The following EGFLAM variants were observed in gnomAD, a reference collection of about 807,000 sequenced individuals.
EGFLAM encodes EGF like, fibronectin type III and laminin G domains.
Under a neutral mutation model 113.1 loss-of-function variants are expected in EGFLAM, and 79 were observed. The ratio of observed to expected loss-of-function variants is 0.70; its 90% CI spans 0.58 to 0.84. EGFLAM has a LOEUF of 0.84. Among genes scored for constraint, EGFLAM ranks in the 40% least tolerant of loss-of-function variants. The pLI is 0.00. For synonymous variants in EGFLAM, 504 were observed against 487.6 expected (o/e 1.03, Z -0.44); for missense variants, 1,265 against 1,291.6 (o/e 0.98, Z 0.32).
chr5:38,436,444 C>A (rs1042000515), intron 16 of EGFLAM, among the ~76,000 whole-genome samples: 1 of 152,128 alleles, frequency 6.6e-6, no homozygotes, highest in Non-Finnish European at 1.5e-5. Flanking sequence ...TATCTCGCAT[C>A]GCAGTGTCAG....
intron 1 of EGFLAM, among the ~76,000 whole-genome samples, chr5:38,318,623 T>C (rs1044610815): frequency 7.9e-5 from 12 of 152,026 alleles, no homozygotes; most frequent in African/African-American, 2.9e-4. Context: ...TTCACCTGCC[T>C]CAGCCTCCCG....
At chr5:38,407,964 T>C in intron 9 of EGFLAM, 59 bp downstream of exon 9, 1 of 1,340,782 alleles carries the variant, frequency 7.5e-7, no homozygotes, top group South Asian at 1.2e-5. Flanking sequence ...AGCAATGTGC[T>C]ACATTCAAAG....
chr5:38,366,207 A>G (rs538696021), intron 5 of EGFLAM, among the ~76,000 whole-genome samples: 3 of 152,290 alleles, frequency 2.0e-5, no homozygotes, highest in South Asian at 2.1e-4. Context: ...CTGCCCAGTG[A>G]TCAACATAGA....
At position 38,408,916 on chromosome 5, in the gene EGFLAM, C is replaced by A. The variant is rs538722771; in HGVS notation, c.1249-88C>A. On this transcript the variant is annotated intron_variant, in intron 9 of 21. Transcript: ENST00000322350. ...ATAGGATCGTGGAGGAGAAAATGCT[C>A]AAGTTTCACATTTGTGTCTTTCCAG... is the stretch of plus-strand genomic sequence containing the variant. 2.2e-5 allele frequency: 26 copies of A among 1,159,914 alleles called. No individual in the cohort carries two copies. The African/African-American group carries it at 3.7e-4, about 16-fold the overall frequency. 71.9% of individuals were successfully genotyped at this position (1,159,914 alleles called of 1,614,324 possible).
At chr5:38,359,847 C>A (rs186255558) in intron 5 of EGFLAM, among the ~76,000 whole-genome samples, 209 of 152,288 alleles carry the variant, frequency 1.4e-3, no homozygotes, top group African/African-American at 4.8e-3. Flanking sequence ...TCCTTTCTGA[C>A]TTTTCTGCCT....
intron 11 of EGFLAM, among the ~76,000 whole-genome samples, chr5:38,413,975 A>C (rs573838361): frequency 6.6e-6 from 1 of 152,214 alleles, no homozygotes; most frequent in Non-Finnish European, 1.5e-5. Flanking sequence ...CTGATCTGAC[A>C]GAAGACGGAG....
intron 10 of EGFLAM, 105 bp from the exon 11 acceptor site, chr5:38,412,399 C>G: frequency 3.2e-6 from 5 of 1,544,342 alleles, no homozygotes; most frequent in Non-Finnish European, 4.4e-6. Flanking sequence ...TCTGAACAGA[C>G]TGACTCTGAA....
intron 19 of EGFLAM, among the ~76,000 whole-genome samples, chr5:38,457,680 C>T (rs1031661548): frequency 2.6e-5 from 4 of 152,050 alleles, no homozygotes; most frequent in African/African-American, 9.7e-5. Flanking sequence ...ATGAATTTGG[C>T]GGGTGGAGGG....
rs562151092 is a variant in EGFLAM, at chr5:38,447,955, G to T, written c.2465-346G>T. 2.0e-5 allele frequency among the ~76,000 whole-genome samples: 3 copies of T among 152,288 alleles called. 1 individual carries two copies. The highest frequency in any genetic ancestry group is 2.1e-4 in the South Asian group (1 of 4,826). On this transcript the variant is annotated intron_variant, in intron 17 of 21. Coordinates refer to ENST00000322350, the MANE Select transcript of EGFLAM (RefSeq NM_152403.4). ...CTGCCTCCCTAGGAGAACATCTGGG[G>T]TTATCCCCAGCTGCTCCCCACATGG...
chr5:38,398,881 G>A (rs1266819338), intron 6 of EGFLAM, among the ~76,000 whole-genome samples: 1 of 152,218 alleles, frequency 6.6e-6, no homozygotes. Context: ...TCTTATTCTG[G>A]TGGGTATTAG....
Position 38,326,921 on chromosome 5 carries a change from C to A in EGFLAM, c.98-10599C>A, listed in dbSNP as rs534523322. Among the ~76,000 whole-genome samples the A allele has an allele frequency of 5.3e-5, 8 of 151,950 alleles. No homozygotes were observed. The South Asian group carries it at 1.7e-3, about 32-fold the overall frequency. ...TCAAGCGATTCTCCTGCCTCAGCCT[C>A]CCAAGTAGCTGGGATTACAGACATG... On this transcript the variant is annotated intron_variant, in intron 1 of 21. Transcript: ENST00000322350.
At chr5:38,439,481 C>T (rs745484314) in intron 17 of EGFLAM, among the ~76,000 whole-genome samples, 1 of 151,476 alleles carries the variant, frequency 6.6e-6, no homozygotes, top group African/African-American at 2.4e-5. Flanking sequence ...TGATTTTTAT[C>T]AGAATTAGGG....
At chr5:38,440,469 T>C (rs1330068183) in intron 17 of EGFLAM, among the ~76,000 whole-genome samples, 2 of 152,134 alleles carry the variant, frequency 1.3e-5, no homozygotes, top group East Asian at 3.8e-4. Flanking sequence ...ACTGCTCTAA[T>C]ATTGGGGAAA....
chr5:38,350,432 T>G, intron 3 of EGFLAM, 69 bp from the exon 4 acceptor site: 1 of 1,466,512 alleles, frequency 6.8e-7, no homozygotes, highest in Non-Finnish European at 9.4e-7. Flanking sequence ...ATAAACCTCA[T>G]GGAAATTGTA....
In EGFLAM at chr5:38,451,347, G is replaced by A. The variant is rs767522576; in HGVS notation, c.2576G>A (p.Arg859Lys). The A allele has an allele frequency of 1.1e-5, 18 of 1,614,086 alleles. No homozygotes were observed. In the East Asian group the frequency reaches 2.2e-4, roughly 20 times the overall value. The part of the protein sequence containing the change: ...VSGSRSNVFM[R>K]FKTTAKDGLL... ...GGATCAAGATCAAATGTGTTCATGA[G>A]GTTTAAAACAACTGCCAAGGATGGC... The change falls in exon 19 of 22, where the codon AGG becomes AAG. Residue 859 changes from arginine (R) to lysine (K), a missense_variant. Transcript: ENST00000322350.
chr5:38,352,873 A>T (rs186026340), intron 5 of EGFLAM, among the ~76,000 whole-genome samples: 1 of 152,314 alleles, frequency 6.6e-6, no homozygotes, highest in East Asian at 1.9e-4. Context: ...TCCCTGGCAC[A>T]ATCAGAGACT....
chr5:38,424,920 C>G (rs746886168), intron 12 of EGFLAM, 47 bp from the exon 13 acceptor site: 4 of 1,605,202 alleles, frequency 2.5e-6, no homozygotes, highest in Non-Finnish European at 3.4e-6. Flanking sequence ...CTGTGTTGGA[C>G]TGGCACACAT....
At chr5:38,287,439 T>A (rs2111777891) in intron 1 of EGFLAM, among the ~76,000 whole-genome samples, 1 of 152,328 alleles carries the variant, frequency 6.6e-6, no homozygotes, top group South Asian at 2.1e-4. Flanking sequence ...TGGCACAATC[T>A]TGGCTCACTG....
chr5:38,454,647 G>T (rs2112274819), intron 19 of EGFLAM, among the ~76,000 whole-genome samples: 1 of 152,292 alleles, frequency 6.6e-6, no homozygotes, highest in Non-Finnish European at 1.5e-5. Flanking sequence ...CGCCCAAGGG[G>T]CACAGATCTG....
Sources: gnomAD v4.1 joint callset for allele counts (sites outside exome capture counted in the v4.1 genomes callset) on GRCh38, gnomAD v4.1.1 for gene constraint, MANE v1.5 for transcripts, NCBI Gene and HGNC (gene_info 2026-07-23, HGNC 2026-07-21) for gene names.